The following ADNP2 variants were observed in gnomAD, a reference collection of about 807,000 sequenced individuals.
ADNP2 encodes the protein activity-dependent neuroprotector homeobox protein 2.
A neutral mutation model predicts 16.4 loss-of-function variants in ADNP2; 8 were observed. That is an observed-to-expected ratio of 0.49 (90% confidence interval 0.29 to 0.88). ADNP2 has a LOEUF of 0.88. Among genes scored for constraint, ADNP2 ranks in the 40% least tolerant of loss-of-function variants. The pLI, the probability that ADNP2 is intolerant of heterozygous loss-of-function variation, is 0.09. For synonymous variants in ADNP2, 637 were observed against 545.8 expected (o/e 1.17, Z -2.33); for missense variants, 1,397 against 1,395.1 (o/e 1.00, Z -0.02).
At chr18:80,121,608 A>G (rs2052425364) in intron 2 of ADNP2, among the ~76,000 whole-genome samples, 1 of 152,162 alleles carries the variant, frequency 6.6e-6, no homozygotes, top group South Asian at 2.1e-4. Flanking sequence ...ATCCATTGCC[A>G]AGTCCAAGGT....
Position 80,139,440 on chromosome 18 carries a change from TTTTA to T in ADNP2, c.*635_*638del, listed in dbSNP as rs2052566639. ...CCATAACTCATAGAAAATCAAATGT[TTTTA>T]TTTGTTAAAAGTAGACTGAATTTGA... is the stretch of plus-strand genomic sequence containing the variant. On this transcript the variant is annotated 3_prime_UTR_variant, in exon 4 of 4. Coordinates refer to ENST00000262198, the MANE Select transcript of ADNP2 (RefSeq NM_014913.4). 6.6e-6 allele frequency: 1 copy of T among 152,464 alleles called. No homozygotes were observed. Among genetic ancestry groups the T allele is most frequent in the African/African-American group, 2.4e-5 (1 of 41,440 alleles). The allele number at this position is 152,464 out of a possible 1,614,324, so 9.4% of individuals were successfully genotyped here. A position where few individuals can be genotyped will look rare whatever the true frequency, so the allele number is the denominator to read the frequency against.
chr18:80,116,626 A>G (rs1188452394), intron 1 of ADNP2, among the ~76,000 whole-genome samples: 1 of 151,714 alleles, frequency 6.6e-6, no homozygotes, highest in Non-Finnish European at 1.5e-5. Context: ...ATGGCTAATG[A>G]TGTTGAGCAT....
chr18:80,135,434 CAT>C (rs1257853454), intron 3 of ADNP2, among the ~76,000 whole-genome samples, 176 bp from the exon 4 acceptor site: 2 of 152,170 alleles, frequency 1.3e-5, no homozygotes, highest in African/African-American at 4.8e-5. Context: ...ACAGTCCTAA[CAT>C]AATCACTCTC....
intron 2 of ADNP2, among the ~76,000 whole-genome samples, chr18:80,123,199 T>G (rs183787618): frequency 6.6e-6 from 1 of 152,332 alleles, no homozygotes; most frequent in East Asian, 1.9e-4. Context: ...TATAATTGTT[T>G]TAATACACTG....
At chr18:80,132,200 T>TA (rs1006210519) in intron 2 of ADNP2, among the ~76,000 whole-genome samples, 4 of 152,322 alleles carry the variant, frequency 2.6e-5, no homozygotes, top group African/African-American at 9.6e-5. Flanking sequence ...ATTTCATACT[T>TA]AAAGGGTACT....
intron 1 of ADNP2, among the ~76,000 whole-genome samples, chr18:80,116,353 T>C (rs1442435814): frequency 6.6e-6 from 1 of 152,198 alleles, no homozygotes; most frequent in East Asian, 1.9e-4. Flanking sequence ...AACATCCTTA[T>C]ATAAGTTTTT....
intron 2 of ADNP2, 134 bp from the exon 3 acceptor site, chr18:80,132,969 C>T (rs1187664172): frequency 3.0e-6 from 2 of 675,634 alleles, no homozygotes; most frequent in Non-Finnish European, 5.0e-6. Flanking sequence ...GATCCACCCT[C>T]CTCAACCTCC....
chr18:80,129,104 TG>T (rs68082442), intron 2 of ADNP2, among the ~76,000 whole-genome samples: 16,709 of 95,420 alleles, frequency 0.18, 1,306 homozygotes, highest in South Asian at 0.21. Flanking sequence ...ACTTTTTTTT[TG>T]TTTTTTTTTT....
rs1289689538 is a variant in ADNP2 at position 80,135,709 on chromosome 18, A to G, written c.296A>G (p.Glu99Gly). The change falls in exon 4 of 4, where the codon GAA becomes GGA. Residue 99 changes from glutamate to glycine, a missense_variant. Physicochemically the swap from Glu to Gly is moderately conservative, Grantham distance 98 (BLOSUM62 -2). Transcript: ENST00000262198. ...CATTTACATCGTTACCATGAAGATGAAATTGACCAAGAGCTGGTGATCCCT... is the reference window on the plus strand; with the variant it reads ...CATTTACATCGTTACCATGAAGATGGAATTGACCAAGAGCTGGTGATCCCT... ...KNHLHRYHED[E>G]IDQELVIPCP... 5 of 1,614,136 alleles carry G rather than the reference A, an allele frequency of 3.1e-6. No homozygotes were observed. The highest frequency in any genetic ancestry group is 4.2e-6 in the Non-Finnish European group (5 of 1,180,056).
Position 80,137,458 on chromosome 18 carries a change from A to T in ADNP2, c.2045A>T (p.Asp682Val). The T allele has an allele frequency of 6.2e-7, 1 of 1,614,224 alleles. No homozygotes were observed. The highest frequency in any genetic ancestry group is 8.5e-7 in the Non-Finnish European group (1 of 1,180,038). Reference sequence around the variant, plus strand: ...GTTCAGGCCTCCTCCTCTGCAGCAGACACAAACCAGGTGCTCAAACAGGCC... The same window carrying T: ...GTTCAGGCCTCCTCCTCTGCAGCAGTCACAAACCAGGTGCTCAAACAGGCC... Reference protein sequence around the residue: ...VFVQASSSAADTNQVLKQAKQ... With the variant: ...VFVQASSSAAVTNQVLKQAKQ... The change falls in exon 4 of 4, where the codon GAC (aspartate) becomes GTC (valine). Residue 682 changes from aspartate (D) to valine (V), a missense_variant. Coordinates refer to ENST00000262198, the MANE Select transcript of ADNP2 (RefSeq NM_014913.4). The surrounding 1 kb of genome is among the most constrained non-coding windows in gnomAD (Gnocchi z 4.2).
Position 80,139,245 on chromosome 18 carries a change from T to TAA in ADNP2, c.*437_*438insAA, listed in dbSNP as rs1430058290. The TAA allele has an allele frequency of 1.9e-5, 3 of 156,030 alleles. No individual in the cohort carries two copies. Among genetic ancestry groups the TAA allele is most frequent in the African/African-American group, 7.2e-5 (3 of 41,534 alleles). The allele number at this position is 156,030 out of a possible 1,614,324, so 9.7% of individuals were successfully genotyped here. On this transcript the variant is annotated 3_prime_UTR_variant, in exon 4 of 4. Coordinates refer to ENST00000262198, the MANE Select transcript of ADNP2 (RefSeq NM_014913.4). ...CAGCTTTCCCTGTAGCAGCAGATGG[T>TAA]ACAGTGAGTGTTCAGAGACGTGGGT... is the stretch of plus-strand genomic sequence containing the variant.
rs755206415 is a variant in ADNP2, at chr18:80,135,893, T to C, written c.480T>C (p.Cys160=). 1.9e-6 allele frequency: 3 copies of C among 1,614,232 alleles called. No homozygotes were observed. Among genetic ancestry groups the C allele is most frequent in the Admixed American group, 3.3e-5 (2 of 60,030 alleles). ...SDVISFTCLK[C]NFSNTLYYSM... ...TGATAAGTTTCACATGTCTAAAATG[T>C]AACTTTTCAAACACTTTGTACTACA... is the stretch of plus-strand genomic sequence containing the variant. Residue 160 remains cysteine (C), a synonymous_variant, in exon 4 of 4, where the codon TGT becomes TGC. Transcript: ENST00000262198.
chr18:80,125,114 T>C (rs1042043551), intron 2 of ADNP2, among the ~76,000 whole-genome samples: 3 of 152,204 alleles, frequency 2.0e-5, no homozygotes, highest in African/African-American at 4.8e-5. Flanking sequence ...ATAGGCAGCA[T>C]GTAATTGGTC....
intron 1 of ADNP2, among the ~76,000 whole-genome samples, chr18:80,111,306 G>A (rs2052355350): frequency 6.6e-6 from 1 of 152,170 alleles, no homozygotes; most frequent in Non-Finnish European, 1.5e-5. Context: ...TGTTTTGCAT[G>A]TATTAACTCA....
At chr18:80,134,416 T>A (rs1420728904) in intron 3 of ADNP2, among the ~76,000 whole-genome samples, 4 of 146,368 alleles carry the variant, frequency 2.7e-5, no homozygotes, top group East Asian at 2.0e-4. Context: ...TGTGTGTGTG[T>A]GTGAGAGAGA....
rs1555730307 is a variant in ADNP2 at position 80,134,418 on chromosome 18, TGAGA to T, written c.199-1188_199-1185del. 6.2e-4 allele frequency among the ~76,000 whole-genome samples: 85 copies of T among 136,556 alleles called. 1 individual carries two copies. Among genetic ancestry groups the T allele is most frequent in the Non-Finnish European group, 8.4e-4 (52 of 62,068 alleles). 89.6% of individuals were successfully genotyped at this position (136,556 alleles called of 152,430 possible). A position where few individuals can be genotyped will look rare whatever the true frequency, so the allele number is the denominator to read the frequency against. On this transcript the variant is annotated intron_variant, in intron 3 of 3. Coordinates refer to ENST00000262198, the MANE Select transcript of ADNP2 (RefSeq NM_014913.4). Reference sequence around the variant, plus strand: ...GTGTGTGTGTGTGTGTGTGTGTGTGTGAGAGAGAGTGATAATGAGCACACAGATT... The same window carrying T: ...GTGTGTGTGTGTGTGTGTGTGTGTGTGAGAGTGATAATGAGCACACAGATT...
At chr18:80,116,599 A>G (rs693657) in intron 1 of ADNP2, among the ~76,000 whole-genome samples, 128,149 of 151,734 alleles carry the variant, frequency 0.84, 54,235 homozygotes, top group Non-Finnish European at 0.87. Context: ...TTGTGGTTTT[A>G]ATTTGCATTT....
At chr18:80,115,189 A>G (rs2052381464) in intron 1 of ADNP2, among the ~76,000 whole-genome samples, 1 of 152,156 alleles carries the variant, frequency 6.6e-6, no homozygotes, top group African/African-American at 2.4e-5. Context: ...GTTACTTGAT[A>G]TATGCCCACA....
chr18:80,136,908 C>A lies in ADNP2; in HGVS notation c.1495C>A (p.Pro499Thr). Residue 499 changes from proline to threonine, a missense_variant, in exon 4 of 4, where the codon CCC (proline) becomes ACC (threonine). Around this residue, in one of 3 missense-constraint regions of ADNP2, gnomAD observed 777 missense variants for 719.4 expected, o/e 1.08. Transcript: ENST00000262198. ...VGQTAPSRVL[P>T]PGQTAPLRVI... ...CCAGACAGCTCCGTCACGGGTTCTT[C>A]CCCCAGGCCAGACAGCCCCATTGAG... 1 of 1,614,098 alleles carries A rather than the reference C, an allele frequency of 6.2e-7. No individual in the cohort carries two copies. The highest frequency in any genetic ancestry group is 8.5e-7 in the Non-Finnish European group (1 of 1,180,002).
Sources: allele counts gnomAD v4.1 joint callset (sites outside exome capture counted in the v4.1 genomes callset), GRCh38; gene constraint gnomAD v4.1.1; regional missense constraint gnomAD v4.1.1; non-coding constraint Gnocchi (gnomAD v3.1); transcripts MANE v1.5; gene names NCBI Gene and HGNC (gene_info 2026-07-23, HGNC 2026-07-21).